Variants in MMP26 observed in about 807,000 individuals in gnomAD.
MMP26 encodes matrix metalloproteinase-26.
A neutral mutation model predicts 31.0 loss-of-function variants in MMP26; 33 were observed. That is an observed-to-expected ratio of 1.06 (90% CI 0.81 to 1.42). The LOEUF (loss-of-function observed/expected upper bound fraction) is 1.42. Among genes scored for constraint, MMP26 ranks in the 40% most tolerant of loss-of-function variants. The pLI, the probability that MMP26 is intolerant of heterozygous loss-of-function variation, is 0.00. For synonymous variants in MMP26, 122 were observed against 114.9 expected (o/e 1.06, Z -0.40); for missense variants, 347 against 316.1 (o/e 1.10, Z -0.74).
intron 2 of MMP26, among the ~76,000 whole-genome samples, chr11:4,781,331 A>G (rs966270445): frequency 7.7e-6 from 1 of 129,396 alleles, no homozygotes. Context: ...GTGGATCATG[A>G]GGTCAGGAGA....
At chr11:4,789,627 G>A (rs1589901181) in intron 2 of MMP26, among the ~76,000 whole-genome samples, 1 of 128,632 alleles carries the variant, frequency 7.8e-6, no homozygotes, top group East Asian at 2.5e-4. Context: ...TGCAACCTCT[G>A]CCTCCTGGGT....
Position 4,728,943 on chromosome 11 carries a change from G to T in MMP26, c.-217+23898G>T, listed in dbSNP as rs557682550. On this transcript the variant is annotated intron_variant, in intron 1 of 7. Coordinates refer to ENST00000380390, the MANE Select transcript of MMP26 (RefSeq NM_021801.5). The stretch of plus-strand genomic sequence containing the variant: ...CTAAATCTATTTTGAGATCATGCAC[G>T]TTGATGTATATAATATTTATATAAT... Among the ~76,000 whole-genome samples, 3 of 151,642 alleles carry T rather than the reference G, an allele frequency of 2.0e-5. No homozygotes were observed. In the East Asian group the frequency reaches 5.8e-4, roughly 29 times the overall value.
Position 4,991,988 on chromosome 11 carries a change from C to A in MMP26, c.620C>A (p.Thr207Asn). The A allele has an allele frequency of 6.2e-7, 1 of 1,607,610 alleles. No homozygotes were observed. The highest frequency in any genetic ancestry group is 8.5e-7 in the Non-Finnish European group (1 of 1,178,398). The change falls in exon 7 of 8, where the codon ACT (threonine) becomes AAT (asparagine). Residue 207 changes from threonine to asparagine, a missense_variant. Coordinates refer to ENST00000380390, the MANE Select transcript of MMP26 (RefSeq NM_021801.5). ...DTGYNLFLVATHEIGHSLGLQ... is the reference protein window; with the variant it reads ...DTGYNLFLVANHEIGHSLGLQ... ...GGATATAATCTGTTCCTGGTTGCAACTCATGAGATTGGGCATTCTTTGGGC... is the reference window on the plus strand; with the variant it reads ...GGATATAATCTGTTCCTGGTTGCAAATCATGAGATTGGGCATTCTTTGGGC...
chr11:4,866,305 TAAAAATA>T (rs1214998148), intron 2 of MMP26, among the ~76,000 whole-genome samples: 1 of 152,104 alleles, frequency 6.6e-6, no homozygotes, highest in African/African-American at 2.4e-5. Flanking sequence ...TACAAGTTAC[TAAAAATA>T]AACAAAAGAA....
At position 4,992,115 on chromosome 11, in the gene MMP26, G is replaced by C. The variant is rs370116065; in HGVS notation, c.747G>C (p.Gln249His). Residue 249 changes from glutamine (Q) to histidine (H), a missense_variant, in exon 7 of 8, where the codon CAG (glutamine) becomes CAC (histidine). By Grantham distance (24) the Gln-to-His change is conservative. Transcript: ENST00000380390. ...QLSADDIQRI[Q>H]HLYGEKCSSD... ...GTGCCGATGATATCCAAAGGATCCA[G>C]CATTTGTATGGTCTGTGCTGCTTAA... is the stretch of plus-strand genomic sequence containing the variant. The C allele has an allele frequency of 6.2e-7, 1 of 1,613,108 alleles. No individual in the cohort carries two copies. Among genetic ancestry groups the C allele is most frequent in the African/African-American group, 1.3e-5 (1 of 74,870 alleles).
intron 1 of MMP26, among the ~76,000 whole-genome samples, chr11:4,742,268 A>C (rs755800923): frequency 1.3e-5 from 2 of 152,232 alleles, no homozygotes; most frequent in African/African-American, 2.4e-5. Flanking sequence ...TGACTAGAGG[A>C]CAAAGACAAG....
intron 2 of MMP26, among the ~76,000 whole-genome samples, chr11:4,984,305 C>T (rs1481636094): frequency 6.6e-6 from 1 of 152,118 alleles, no homozygotes; most frequent in Non-Finnish European, 1.5e-5. Context: ...GACCTCAAAG[C>T]CTCATTTCCT....
chr11:4,803,516 T>G (rs759887867), intron 2 of MMP26: 2 of 1,613,840 alleles, frequency 1.2e-6, no homozygotes, highest in Admixed American at 3.3e-5. Flanking sequence ...GGGTTGAGCA[T>G]GGGAGGTATC....
intron 1 of MMP26, among the ~76,000 whole-genome samples, chr11:4,753,294 A>G (rs1158219151): frequency 6.6e-6 from 1 of 152,160 alleles, no homozygotes; most frequent in Non-Finnish European, 1.5e-5. Flanking sequence ...AGAATCATGT[A>G]TTATATACTG....
chr11:4,941,811 T>C (rs2596000), intron 2 of MMP26, among the ~76,000 whole-genome samples: 126,189 of 151,254 alleles, frequency 0.83, 52,820 homozygotes, highest in Middle Eastern at 0.91. Flanking sequence ...ACCTGCTAGG[T>C]GCCGTGGCTC....
intron 1 of MMP26, among the ~76,000 whole-genome samples, chr11:4,714,929 C>CAT (rs1391551158): frequency 6.7e-6 from 1 of 148,242 alleles, no homozygotes; most frequent in African/African-American, 2.6e-5. Flanking sequence ...CTCACACACA[C>CAT]ACACACACAC....
At chr11:4,859,615 C>T (rs912127653) in intron 2 of MMP26, 11 of 436,112 alleles carry the variant, frequency 2.5e-5, no homozygotes, top group Admixed American at 2.3e-4. Context: ...TTCTACTAGA[C>T]CCTATTTTTT....
At chr11:4,910,753 C>T (rs1367440657) in intron 2 of MMP26, among the ~76,000 whole-genome samples, 2 of 152,150 alleles carry the variant, frequency 1.3e-5, no homozygotes, top group African/African-American at 4.8e-5. Context: ...GCCTCTAGTA[C>T]TTGGCACATA....
rs1164678344 is a variant in MMP26 at position 4,988,231 on chromosome 11, G to T, written c.20G>T (p.Arg7Ile). 6.2e-7 allele frequency: 1 copy of T among 1,614,102 alleles called. No individual in the cohort carries two copies. The highest frequency in any genetic ancestry group is 2.2e-5 in the East Asian group (1 of 44,860). MQLVILRVTIFLPWCFA... is the reference protein window; with the variant it reads MQLVILIVTIFLPWCFA... ...TTTGGCATGCAGCTCGTCATCTTAA[G>T]AGTTACTATCTTCTTGCCCTGGTGT... Residue 7 changes from arginine to isoleucine, a missense_variant, in exon 3 of 8, where the codon AGA becomes ATA. Coordinates refer to ENST00000380390, the MANE Select transcript of MMP26 (RefSeq NM_021801.5).
chr11:4,803,677 T>C, intron 2 of MMP26: 1 of 1,613,718 alleles, frequency 6.2e-7, no homozygotes, highest in Non-Finnish European at 8.5e-7. Flanking sequence ...GAGGCGGGCT[T>C]CACCTGAGGG....
In MMP26 at chr11:4,991,424, T is replaced by C. The variant is rs1277541021; in HGVS notation, c.523T>C (p.Phe175Leu). 4 of 1,613,966 alleles carry C rather than the reference T, an allele frequency of 2.5e-6. No homozygotes were observed. Among genetic ancestry groups the C allele is most frequent in the Admixed American group, 3.3e-5 (2 of 60,024 alleles). Residue 175 changes from phenylalanine to leucine, a missense_variant, in exon 6 of 8, where the codon TTT becomes CTT. Phe to Leu is a conservative substitution (Grantham distance 22). Coordinates refer to ENST00000380390, the MANE Select transcript of MMP26 (RefSeq NM_021801.5). ...GCCAGGTGGTATCTTAGGCCATGCCTTTTTACCAAATTCTGGAAATCCTGG... is the reference window on the plus strand; with the variant it reads ...GCCAGGTGGTATCTTAGGCCATGCCCTTTTACCAAATTCTGGAAATCCTGG... ...DGPGGILGHA[F>L]LPNSGNPGVV...
chr11:4,777,771 A>G (rs2133428761), intron 2 of MMP26, among the ~76,000 whole-genome samples: 1 of 152,144 alleles, frequency 6.6e-6, no homozygotes, highest in Non-Finnish European at 1.5e-5. Context: ...GTATAGTTAT[A>G]GTTCTTTGCT....
chr11:4,838,223 C>A (rs1296615312), intron 2 of MMP26, among the ~76,000 whole-genome samples: 1 of 140,960 alleles, frequency 7.1e-6, no homozygotes, highest in Non-Finnish European at 1.5e-5. Context: ...GAGGCTGAGG[C>A]AGGAGAATGG....
intron 2 of MMP26, chr11:4,923,474 A>G (rs771214004): frequency 1.9e-6 from 3 of 1,613,732 alleles, no homozygotes; most frequent in Admixed American, 1.7e-5. Context: ...GATGGGGTTC[A>G]TAAGGGGTGG....
Sources: allele counts gnomAD v4.1 joint callset (sites outside exome capture counted in the v4.1 genomes callset), GRCh38; gene constraint gnomAD v4.1.1; transcripts MANE v1.5; gene names NCBI Gene and HGNC (gene_info 2026-07-23, HGNC 2026-07-21).